The following DLGAP2 variants were observed in gnomAD, a reference collection of about 807,000 sequenced individuals.
The protein encoded by DLGAP2 is DLG associated protein 2, also known as disks large-associated protein 2.
DLGAP2 carries 26 observed loss-of-function variants against 100.3 expected under a neutral mutation model. That is an observed-to-expected ratio of 0.26 (90% CI 0.19 to 0.36). The LOEUF is 0.36. Among genes scored for constraint, DLGAP2 ranks in the 10% least tolerant of loss-of-function variants. The probability of loss-of-function intolerance (pLI) is 1.00; values close to 1 mark genes in which losing one functional copy is unlikely to be tolerated. For synonymous variants in DLGAP2, 886 were observed against 630.1 expected, an observed-to-expected ratio of 1.41 and a Z score of -6.08; for missense variants, 1,858 against 1,453.2, an observed-to-expected ratio of 1.28 and a Z score of -4.53.
At chr8:1,156,638 C>CGGCTCAGCGCCCT (rs1796795848) in intron 2 of DLGAP2, among the ~76,000 whole-genome samples, 1 of 147,630 alleles carries the variant, frequency 6.8e-6, no homozygotes. Context: ...CCCAGCGCCC[C>CGGCTCAGCGCCCT]GGCTCAGCGC....
chr8:1,440,366 G>A (rs969519564), intron 3 of DLGAP2, among the ~76,000 whole-genome samples: 7 of 152,128 alleles, frequency 4.6e-5, no homozygotes, highest in African/African-American at 1.2e-4. Flanking sequence ...TGAATTTTGC[G>A]TTACGTTTCA....
chr8:1,267,275 AAAT>A (rs1799473763), intron 3 of DLGAP2, among the ~76,000 whole-genome samples: 1 of 149,076 alleles, frequency 6.7e-6, no homozygotes, highest in Non-Finnish European at 1.5e-5. Flanking sequence ...AAATAAAATA[AAAT>A]AAAAAGGTCT....
intron 3 of DLGAP2, among the ~76,000 whole-genome samples, chr8:1,325,319 C>T (rs1800995952): frequency 1.3e-5 from 2 of 152,200 alleles, no homozygotes; most frequent in East Asian, 1.9e-4. Context: ...AACAACTTAG[C>T]ATCTTAGAGT....
chr8:1,691,461 G>C (rs1799258064), intron 12 of DLGAP2, 74 bp from the exon 13 acceptor site: 1 of 1,281,740 alleles, frequency 7.8e-7, no homozygotes. Flanking sequence ...CCCTTGGTGT[G>C]ATGTTTCTGC....
chr8:1,075,928 A>G (rs1440609115), intron 2 of DLGAP2, among the ~76,000 whole-genome samples: 2 of 152,144 alleles, frequency 1.3e-5, no homozygotes, highest in African/African-American at 4.8e-5. Flanking sequence ...AAAAAAAGAA[A>G]AAAGACCCGA....
At position 813,139 on chromosome 8, in the gene DLGAP2, C is replaced by A. The variant is rs535435660; in HGVS notation, c.18+75314C>A. Among the ~76,000 whole-genome samples, 164 of 152,196 alleles carry A rather than the reference C, an allele frequency of 1.1e-3. 1 individual carries two copies. The highest frequency in any genetic ancestry group is 3.9e-3 in the African/African-American group (160 of 41,544). On this transcript the variant is annotated intron_variant, in intron 1 of 14. Transcript: ENST00000637795. Reference sequence around the variant, plus strand: ...TCAATCAGTAATATCTTTCAACCAACAAAATGCAACATAAAATTGCTATAT... The same window carrying A: ...TCAATCAGTAATATCTTTCAACCAAAAAAATGCAACATAAAATTGCTATAT...
At chr8:796,025 A>AGCTGTCCAGTGAGAGCAGGCG (rs1796029215) in intron 1 of DLGAP2, among the ~76,000 whole-genome samples, 1 of 14,988 alleles carries the variant, frequency 6.7e-5, no homozygotes, top group Non-Finnish European at 1.4e-4. Context: ...GAGAGCAGGC[A>AGCTGTCCAGTGAGAGCAGGCG]TCCAGTGAGA....
At chr8:912,380 G>A (rs1798502940) in intron 2 of DLGAP2, among the ~76,000 whole-genome samples, 1 of 152,198 alleles carries the variant, frequency 6.6e-6, no homozygotes, top group Admixed American at 6.5e-5. Flanking sequence ...TTGCAAATAC[G>A]TAATGGAAAC....
intron 2 of DLGAP2, among the ~76,000 whole-genome samples, chr8:1,000,857 G>C (rs542407407): frequency 6.6e-6 from 1 of 152,106 alleles, no homozygotes; most frequent in African/African-American, 2.4e-5. Context: ...GGACAGGTGT[G>C]GGGGGAGAGG....
chr8:1,069,068 A>G (rs1367485835), intron 2 of DLGAP2, among the ~76,000 whole-genome samples: 1 of 152,216 alleles, frequency 6.6e-6, no homozygotes, highest in African/African-American at 2.4e-5. Context: ...GTTGGCGGGT[A>G]GCACTGCCCT....
At chr8:921,785 C>G (rs1292068955) in intron 2 of DLGAP2, among the ~76,000 whole-genome samples, 2 of 152,268 alleles carry the variant, frequency 1.3e-5, no homozygotes, top group Non-Finnish European at 2.9e-5. Flanking sequence ...TGGCCACGTC[C>G]TGGCTCTTCT....
At chr8:1,388,611 G>C (rs1214719483) in intron 3 of DLGAP2, among the ~76,000 whole-genome samples, 1 of 84,820 alleles carries the variant, frequency 1.2e-5, no homozygotes, top group Admixed American at 1.1e-4. Flanking sequence ...AGCAGAGGCC[G>C]TGGATGGGGA....
chr8:1,369,995 C>T (rs922580978), intron 3 of DLGAP2, among the ~76,000 whole-genome samples: 7 of 152,186 alleles, frequency 4.6e-5, no homozygotes, highest in African/African-American at 1.4e-4. Context: ...GGCTTCTTCA[C>T]GCAGTTGCCC....
At chr8:739,272 C>T (rs924542578) in intron 1 of DLGAP2, 1 of 151,954 alleles carries the variant, frequency 6.6e-6, no homozygotes, top group Admixed American at 6.5e-5. Context: ...GAGGTCGGGC[C>T]TGGGGCGCGG....
At chr8:1,303,471 G>A (rs1305025618) in intron 3 of DLGAP2, among the ~76,000 whole-genome samples, 4 of 152,034 alleles carry the variant, frequency 2.6e-5, no homozygotes, top group Non-Finnish European at 5.9e-5. Flanking sequence ...TCCCATGGGT[G>A]GGAAGGAGCT....
chr8:1,479,685 G>A (rs1399863990), intron 3 of DLGAP2, among the ~76,000 whole-genome samples: 2 of 152,072 alleles, frequency 1.3e-5, no homozygotes, highest in South Asian at 2.1e-4. Context: ...TATGCAAAGG[G>A]GTTGGCCAAC....
intron 3 of DLGAP2, among the ~76,000 whole-genome samples, chr8:1,330,766 C>G (rs11775694): frequency 0.67 from 77,402 of 115,284 alleles, 26,033 homozygotes; most frequent in African/African-American, 0.85. Flanking sequence ...ACCGCTTCAT[C>G]GGGACCGAGT....
At chr8:1,069,705 A>T (rs780378437) in intron 2 of DLGAP2, among the ~76,000 whole-genome samples, 4 of 152,196 alleles carry the variant, frequency 2.6e-5, no homozygotes, top group African/African-American at 9.7e-5. Context: ...TGTACCTACG[A>T]TAAAAGTTAT....
At chr8:1,235,164 TCACACATGGCGCCGTGTCTGCTTCC>T in intron 2 of DLGAP2, among the ~76,000 whole-genome samples, 1 of 140,074 alleles carries the variant, frequency 7.1e-6, no homozygotes, top group Non-Finnish European at 1.6e-5. Context: ...TCTAGTTCTC[TCACACATGGCGCCGTGTCTGCTTCC>T]CTCACACATG....
Sources: allele counts gnomAD v4.1 joint callset (sites outside exome capture counted in the v4.1 genomes callset), GRCh38; gene constraint gnomAD v4.1.1; transcripts MANE v1.5; gene names NCBI Gene and HGNC (gene_info 2026-07-23, HGNC 2026-07-21).